DGKI: variants seen among roughly 807,000 people sequenced by gnomAD.
DGKI encodes the protein DAG kinase iota.
In DGKI, 55 loss-of-function variants were observed where a neutral mutation model predicts 147.5. That is an observed-to-expected ratio of 0.37 (90% confidence interval 0.30 to 0.47). DGKI has a LOEUF of 0.47. DGKI is among the 20% of genes least tolerant of loss of function. The pLI is 1.00. For missense variants in DGKI, 1,007 were observed against 1,323.8 expected (o/e 0.76, Z 3.71); for synonymous variants, 469 against 477.1 (o/e 0.98, Z 0.22).
intron 10 of DGKI, among the ~76,000 whole-genome samples, chr7:137,608,190 G>A (rs936134590): frequency 2.0e-5 from 3 of 152,102 alleles, no homozygotes; most frequent in Non-Finnish European, 4.4e-5. Context: ...GTCTCAAAAT[G>A]TAAAATATAT....
chr7:137,493,796 C>T (rs1815860261), intron 21 of DGKI: 2 of 701,916 alleles, frequency 2.8e-6, no homozygotes, highest in African/African-American at 1.7e-5. Context: ...CAAATGACTG[C>T]ACTAGTTCCC....
At chr7:137,704,507 T>C (rs1214023628) in intron 1 of DGKI, among the ~76,000 whole-genome samples, 1 of 152,006 alleles carries the variant, frequency 6.6e-6, no homozygotes, top group Non-Finnish European at 1.5e-5. Flanking sequence ...AAAACAGATC[T>C]TCAGAGACCT....
At chr7:137,779,219 A>C (rs1340400405) in intron 1 of DGKI, among the ~76,000 whole-genome samples, 1 of 152,182 alleles carries the variant, frequency 6.6e-6, no homozygotes, top group Non-Finnish European at 1.5e-5. Context: ...AAAGCCACCA[A>C]AGAAATTCAA....
chr7:137,645,628 A>G (rs1821798085), intron 5 of DGKI, 91 bp from the exon 6 acceptor site: 1 of 1,178,848 alleles, frequency 8.5e-7, no homozygotes, highest in Non-Finnish European at 1.2e-6. Context: ...GTGCAGTGGT[A>G]TAATCATAGT....
intron 27 of DGKI, among the ~76,000 whole-genome samples, chr7:137,460,840 C>T (rs34401430): frequency 0.054 from 8,275 of 152,140 alleles, 307 homozygotes; most frequent in Middle Eastern, 0.12. Flanking sequence ...TATAGAAAAA[C>T]AATGACATAA....
At chr7:137,789,419 T>C (rs1796778193) in intron 1 of DGKI, among the ~76,000 whole-genome samples, 1 of 152,140 alleles carries the variant, frequency 6.6e-6, no homozygotes, top group Non-Finnish European at 1.5e-5. Context: ...TTTGAGAATG[T>C]TGCCATAGTA....
intron 21 of DGKI, among the ~76,000 whole-genome samples, chr7:137,515,840 T>C (rs1188170685): frequency 6.6e-6 from 1 of 152,092 alleles, no homozygotes; most frequent in East Asian, 1.9e-4. Context: ...ATTATTATTA[T>C]ATTTTTAATA....
Position 137,632,750 on chromosome 7 carries a change from T to C in DGKI, c.805-9196A>G, listed in dbSNP as rs1461551898. ...GGCACACGCCTGTAGTCCCAGCTACTCAGGAGGCTGAGGCAGGAGAATTGC... is the reference window on the plus strand; with the variant it reads ...GGCACACGCCTGTAGTCCCAGCTACCCAGGAGGCTGAGGCAGGAGAATTGC... On this transcript the variant is annotated intron_variant, in intron 6 of 32. Coordinates refer to ENST00000614521, the MANE Select transcript of DGKI (RefSeq NM_001321708.2). Among the ~76,000 whole-genome samples, 3 of 152,032 alleles carry C rather than the reference T, an allele frequency of 2.0e-5. No individual in the cohort carries two copies. In the East Asian group the frequency reaches 5.8e-4, roughly 29 times the overall value.
intron 1 of DGKI, among the ~76,000 whole-genome samples, chr7:137,836,981 GCA>G (rs778460776): frequency 3.3e-5 from 5 of 152,112 alleles, no homozygotes; most frequent in Non-Finnish European, 5.9e-5. Context: ...ATGGCTATTT[GCA>G]CACAGAGAGG....
rs183585821 is a variant in DGKI, at chr7:137,661,697, T to G, written c.607-5157A>C. On this transcript the variant is annotated intron_variant, in intron 3 of 32. Transcript: ENST00000614521. ...TGCAAGAGAGGCCAGGAGAGTGCTC[T>G]CCTCCTCCCCCTTCTCCTTCCCTTT... Among the ~76,000 whole-genome samples, 333 of 152,208 alleles carry G rather than the reference T, an allele frequency of 2.2e-3. 3 individuals carry two copies. The highest frequency in any genetic ancestry group is 7.5e-3 in the African/African-American group (313 of 41,530).
In DGKI at chr7:137,713,430, T is replaced by C. The variant is rs148445290; in HGVS notation, c.402-23428A>G. On this transcript the variant is annotated intron_variant, in intron 1 of 32. Coordinates refer to ENST00000614521, the MANE Select transcript of DGKI (RefSeq NM_001321708.2). ...CTGAAATTTAGACACAAGTTGTCTA[T>C]GGAATTTTCCAAAGCTATCACTATA... Among the ~76,000 whole-genome samples the C allele has an allele frequency of 2.8e-4, 43 of 152,324 alleles. No homozygotes were observed. The East Asian group carries it at 7.5e-3, about 27-fold the overall frequency.
intron 1 of DGKI, among the ~76,000 whole-genome samples, chr7:137,816,030 C>T (rs1047318870): frequency 1.3e-5 from 2 of 152,196 alleles, no homozygotes; most frequent in Non-Finnish European, 1.5e-5. Context: ...AAACCATTCT[C>T]TTGAATGAGA....
intron 17 of DGKI, among the ~76,000 whole-genome samples, chr7:137,573,938 T>C (rs1352931136): frequency 2.0e-5 from 3 of 152,254 alleles, no homozygotes; most frequent in South Asian, 2.1e-4. Context: ...GTCATGACTA[T>C]AGACTTTCCG....
intron 12 of DGKI, among the ~76,000 whole-genome samples, chr7:137,593,483 T>C (rs1226399020): frequency 6.6e-6 from 1 of 152,204 alleles, no homozygotes; most frequent in African/African-American, 2.4e-5. Context: ...CCAAGAGATC[T>C]GAAAATGGGA....
At chr7:137,527,051 TG>T (rs1817173278) in intron 20 of DGKI, among the ~76,000 whole-genome samples, 1 of 152,122 alleles carries the variant, frequency 6.6e-6, no homozygotes, top group Non-Finnish European at 1.5e-5. Flanking sequence ...TGATAGCAAG[TG>T]GATAAAGCAA....
intron 28 of DGKI, among the ~76,000 whole-genome samples, chr7:137,441,032 A>G (rs1353050640): frequency 2.0e-5 from 3 of 152,218 alleles, no homozygotes; most frequent in Non-Finnish European, 4.4e-5. Flanking sequence ...CAAGGGCGGA[A>G]CATAATCCCG....
chr7:137,760,434 T>G (rs1795822367), intron 1 of DGKI, among the ~76,000 whole-genome samples: 3 of 152,140 alleles, frequency 2.0e-5, no homozygotes, highest in Admixed American at 6.5e-5. Context: ...CCTTCACTAC[T>G]TCCCTCCCGC....
chr7:137,606,078 G>T (rs974425739), intron 10 of DGKI, among the ~76,000 whole-genome samples: 3 of 152,004 alleles, frequency 2.0e-5, no homozygotes, highest in Non-Finnish European at 4.4e-5. Flanking sequence ...CCATAAGTAT[G>T]TACAAAAAGA....
chr7:137,516,188 C>T (rs1360146419), intron 21 of DGKI, among the ~76,000 whole-genome samples: 1 of 152,030 alleles, frequency 6.6e-6, no homozygotes, highest in Non-Finnish European at 1.5e-5. Context: ...GCACAATGTA[C>T]TTACATGGTT....
Sources: allele counts gnomAD v4.1 joint callset (sites outside exome capture counted in the v4.1 genomes callset), GRCh38; gene constraint gnomAD v4.1.1; transcripts MANE v1.5; gene names NCBI Gene and HGNC (gene_info 2026-07-23, HGNC 2026-07-21).